Variants in EPC1 observed in about 807,000 individuals in gnomAD.
The protein encoded by EPC1 is enhancer of polycomb 1.
A neutral mutation model predicts 98.4 loss-of-function variants in EPC1; 12 were observed. The ratio of observed to expected loss-of-function variants is 0.12; its 90% CI spans 0.08 to 0.20. The LOEUF (loss-of-function observed/expected upper bound fraction) is 0.20, where lower values mean the gene tolerates loss of function less well. Ranked by LOEUF, EPC1 falls within the 10% of genes least tolerant of loss-of-function variation. EPC1 has a pLI of 1.00. For synonymous variants in EPC1, 357 were observed against 363.9 expected (o/e 0.98, Z 0.21); for missense variants, 729 against 990.5 (o/e 0.74, Z 3.54).
Position 32,285,063 on chromosome 10 carries a change from C to A in EPC1, c.1392-13G>T. 1 of 1,587,022 alleles carries A rather than the reference C, an allele frequency of 6.3e-7. No individual in the cohort carries two copies. Among genetic ancestry groups the A allele is most frequent in the South Asian group, 1.1e-5 (1 of 88,196 alleles). On this transcript the variant is annotated splice_polypyrimidine_tract_variant and intron_variant, in intron 9 of 13. Coordinates refer to ENST00000319778, the MANE Select transcript of EPC1 (RefSeq NM_001272004.3). ...GTCCAGTAAGACCCTATTAAAAAAT[C>A]AGACAAGAAACAGTTATTTAAAATA...
At chr10:32,347,206 GGCGCGGGC>G (rs1838905473), upstream of EPC1, 1 of 1,231,208 alleles carries the variant, frequency 8.1e-7, no homozygotes. Context: ...ATCGCGCAGC[GGCGCGGGC>G]ACGCGGGCGG....
intron 6 of EPC1, among the ~76,000 whole-genome samples, chr10:32,290,273 GGGGTTTTGAGA>G (rs1322825881): frequency 6.6e-6 from 1 of 151,866 alleles, no homozygotes; most frequent in Non-Finnish European, 1.5e-5. Context: ...CCTGAGGTCA[GGGGTTTTGAGA>G]CCAGCCTGGC....
At position 32,284,592 on chromosome 10, in the gene EPC1, A is replaced by G. The variant is rs1836571235; in HGVS notation, c.1744+106T>C. On this transcript the variant is annotated intron_variant, in intron 10 of 13. Transcript: ENST00000319778. ...GATTTTTTTTTTAACTGTTTAAGAG[A>G]AAAGGACTTTAAGCCATAAATGTAA... 24 of 924,996 alleles carry G rather than the reference A, an allele frequency of 2.6e-5. No individual in the cohort carries two copies. In the South Asian group the frequency reaches 4.1e-4, roughly 16 times the overall value. The allele number at this position is 924,996 out of a possible 1,614,324, so 57.3% of individuals were successfully genotyped here. A position where few individuals can be genotyped will look rare whatever the true frequency, so the allele number is the denominator to read the frequency against.
intron 10 of EPC1, among the ~76,000 whole-genome samples, chr10:32,278,474 C>T (rs552994882): frequency 3.0e-5 from 4 of 133,318 alleles, no homozygotes; most frequent in African/African-American, 8.4e-5. Flanking sequence ...CTCCGCCTCC[C>T]GGGTTCACGC....
At chr10:32,368,459 C>T (rs1405426820) in intron 1 of EPC1, among the ~76,000 whole-genome samples, 2 of 152,226 alleles carry the variant, frequency 1.3e-5, no homozygotes, top group East Asian at 3.8e-4. Flanking sequence ...TTCTCTCAAT[C>T]TTTATCTGCT....
intron 1 of EPC1, chr10:32,374,344 A>C (rs1839828587): frequency 6.6e-6 from 1 of 152,164 alleles, no homozygotes; most frequent in African/African-American, 2.4e-5. Context: ...ACCGTGAACA[A>C]AATGTGCAAA....
At chr10:32,301,123 C>T (rs555552609) in intron 2 of EPC1, among the ~76,000 whole-genome samples, 5 of 152,144 alleles carry the variant, frequency 3.3e-5, no homozygotes, top group African/African-American at 1.2e-4. Context: ...CCTACATGCC[C>T]ACCCACTCAT....
intron 5 of EPC1, 76 bp from the exon 6 acceptor site, chr10:32,291,398 ACTGTGAAATAAT>A: frequency 8.9e-7 from 1 of 1,128,780 alleles, no homozygotes; most frequent in Non-Finnish European, 1.2e-6. Flanking sequence ...ATACATTTAT[ACTGTGAAATAAT>A]TACCACAATC....
chr10:32,345,129 T>C, intron 1 of EPC1: 1 of 975,238 alleles, frequency 1.0e-6, no homozygotes, highest in Non-Finnish European at 1.2e-6. Flanking sequence ...ACAAGTACTT[T>C]AATTTTTAAA....
chr10:32,292,774 C>G, intron 4 of EPC1, 130 bp from the exon 5 acceptor site: 1 of 946,838 alleles, frequency 1.1e-6, no homozygotes, highest in Non-Finnish European at 1.5e-6. Flanking sequence ...GAGCACAGAT[C>G]ACCAGGAAAT....
chr10:32,315,212 A>G (rs1392501056), intron 1 of EPC1, among the ~76,000 whole-genome samples: 3 of 152,206 alleles, frequency 2.0e-5, no homozygotes, highest in African/African-American at 7.2e-5. Context: ...ATTTTGGCTT[A>G]CTGTAGGCGC....
At position 32,347,120 on chromosome 10, in the gene EPC1, A is replaced by AGGGGCGGAG; in HGVS notation, c.-206_-205insCTCCGCCCC. 1 of 1,434,054 alleles carries AGGGGCGGAG rather than the reference A, an allele frequency of 7.0e-7. No homozygotes were observed. 88.8% of individuals were successfully genotyped at this position (1,434,054 alleles called of 1,614,324 possible). A position where few individuals can be genotyped will look rare whatever the true frequency, so the allele number is the denominator to read the frequency against. On this transcript the variant is annotated 5_prime_UTR_variant, in exon 1 of 14. Transcript: ENST00000319778. Reference sequence around the variant, plus strand: ...TCCTCTCTCGCTCGCTCTCTTCAATACGCCATGGCCAACATGGCGGACATT... The same window carrying AGGGGCGGAG: ...TCCTCTCTCGCTCGCTCTCTTCAATAGGGGCGGAGCGCCATGGCCAACATGGCGGACATT...
At chr10:32,326,989 A>G (rs1469880333) in intron 1 of EPC1, among the ~76,000 whole-genome samples, 2 of 104,784 alleles carry the variant, frequency 1.9e-5, no homozygotes, top group East Asian at 5.8e-4. Context: ...CAGCATGGAG[A>G]GGGTCCTCAA....
At chr10:32,364,078 G>T (rs1839527193) in intron 1 of EPC1, among the ~76,000 whole-genome samples, 1 of 126,242 alleles carries the variant, frequency 7.9e-6, no homozygotes, top group Non-Finnish European at 1.6e-5. Context: ...GCAATGGCGT[G>T]ATCTCGGCTC....
intron 1 of EPC1, among the ~76,000 whole-genome samples, chr10:32,314,642 T>A (rs1836446818): frequency 6.6e-6 from 1 of 152,260 alleles, no homozygotes; most frequent in African/African-American, 2.4e-5. Context: ...TGGCTTTCTA[T>A]GGTCTCTGTT....
intron 1 of EPC1, among the ~76,000 whole-genome samples, chr10:32,316,748 A>T (rs188075415): frequency 5.8e-4 from 88 of 152,310 alleles, no homozygotes; most frequent in African/African-American, 2.0e-3. Flanking sequence ...ATATATGAAT[A>T]TGACAAAATT....
At chr10:32,286,570 A>G (rs1305417213) in intron 9 of EPC1, 124 bp downstream of exon 9, 1 of 1,136,182 alleles carries the variant, frequency 8.8e-7, no homozygotes, top group African/African-American at 1.6e-5. Flanking sequence ...TAGTCAACAG[A>G]TCAGTTAAGA....
chr10:32,284,068 G>C (rs963023923), intron 10 of EPC1: 2 of 152,042 alleles, frequency 1.3e-5, no homozygotes, highest in Non-Finnish European at 2.9e-5. Flanking sequence ...CAATATATAG[G>C]CTTCAAATAA....
intron 10 of EPC1, among the ~76,000 whole-genome samples, chr10:32,277,164 T>A (rs1019668848): frequency 6.6e-6 from 1 of 152,134 alleles, no homozygotes; most frequent in Non-Finnish European, 1.5e-5. Flanking sequence ...ACCAACAATA[T>A]GAATCAAGTG....
Sources: gnomAD v4.1 joint callset for allele counts (sites outside exome capture counted in the v4.1 genomes callset) on GRCh38, gnomAD v4.1.1 for gene constraint, MANE v1.5 for transcripts, NCBI Gene and HGNC (gene_info 2026-07-23, HGNC 2026-07-21) for gene names.